Variants in P2RY14 observed in about 807,000 individuals in gnomAD.
P2RY14 encodes purinergic receptor P2Y14.
In P2RY14, 2 loss-of-function variants were observed where a neutral mutation model predicts 0.9. The ratio of observed to expected loss-of-function variants is 2.16; its 90% CI spans 0.88 to 6.79. The LOEUF (loss-of-function observed/expected upper bound fraction) is 6.79. P2RY14 is among the 30% of genes most tolerant of loss of function. The pLI, the probability that P2RY14 is intolerant of heterozygous loss-of-function variation, is 0.05. For synonymous variants in P2RY14, 158 were observed against 147.2 expected, an observed-to-expected ratio of 1.07 and a Z score of -0.53; for missense variants, 378 against 400.1, an observed-to-expected ratio of 0.94 and a Z score of 0.47.
intron 1 of P2RY14, among the ~76,000 whole-genome samples, chr3:151,244,492 CT>C (rs1230953833): frequency 6.8e-6 from 1 of 147,682 alleles, no homozygotes; most frequent in African/African-American, 2.5e-5. Context: ...TACATGGAAA[CT>C]GAACAACCTG....
At chr3:151,251,334 A>G (rs1210536730) in intron 1 of P2RY14, among the ~76,000 whole-genome samples, 2 of 151,910 alleles carry the variant, frequency 1.3e-5, no homozygotes, top group Non-Finnish European at 2.9e-5. Flanking sequence ...CAACAATTAA[A>G]CACTCTGTCT....
intron 1 of P2RY14, among the ~76,000 whole-genome samples, chr3:151,273,509 G>A (rs1467985517): frequency 6.6e-6 from 1 of 150,986 alleles, no homozygotes; most frequent in African/African-American, 2.4e-5. Flanking sequence ...CCAAAGTGTT[G>A]GGATTACAGG....
At chr3:151,250,452 A>G (rs532748776) in intron 1 of P2RY14, among the ~76,000 whole-genome samples, 3 of 152,152 alleles carry the variant, frequency 2.0e-5, no homozygotes, top group Non-Finnish European at 2.9e-5. Flanking sequence ...CCTTGCCCCT[A>G]GTCCCTGGTA....
chr3:151,225,496 C>A (rs2149291804), intron 1 of P2RY14, among the ~76,000 whole-genome samples: 1 of 152,310 alleles, frequency 6.6e-6, no homozygotes, highest in African/African-American at 2.4e-5. Flanking sequence ...CATTAATTTG[C>A]TCACGAGGCC....
At chr3:151,216,932 T>C (rs1416454594) in intron 2 of P2RY14, among the ~76,000 whole-genome samples, 4 of 152,174 alleles carry the variant, frequency 2.6e-5, no homozygotes, top group African/African-American at 9.6e-5. Flanking sequence ...GAATGCATGC[T>C]GCTGTATTCC....
At chr3:151,264,164 G>A (rs1338978477) in intron 1 of P2RY14, among the ~76,000 whole-genome samples, 1 of 152,154 alleles carries the variant, frequency 6.6e-6, no homozygotes, top group African/African-American at 2.4e-5. Context: ...AAAGATCTCT[G>A]TACTTGTATT....
chr3:151,245,352 T>C (rs1735180312), intron 1 of P2RY14, among the ~76,000 whole-genome samples: 1 of 151,700 alleles, frequency 6.6e-6, no homozygotes, highest in Non-Finnish European at 1.5e-5. Context: ...TTGATGAACA[T>C]TGATGCAAAA....
At chr3:151,278,246 A>G (rs1184230093) in intron 1 of P2RY14, 41 bp downstream of exon 1, 1 of 152,192 alleles carries the variant, frequency 6.6e-6, no homozygotes, top group East Asian at 1.9e-4. Context: ...TGCACCATTC[A>G]CATACATGCA....
intron 1 of P2RY14, among the ~76,000 whole-genome samples, chr3:151,253,980 TTTG>T (rs1186412649): frequency 2.0e-5 from 3 of 147,254 alleles, no homozygotes; most frequent in Non-Finnish European, 3.0e-5. Context: ...ATACCTTCTT[TTTG>T]TTTTGATTTT....
chr3:151,257,190 A>G (rs1408754770), intron 1 of P2RY14, among the ~76,000 whole-genome samples: 1 of 152,184 alleles, frequency 6.6e-6, no homozygotes, highest in Non-Finnish European at 1.5e-5. Flanking sequence ...AAGCATATTT[A>G]TGTAGTTTCT....
At chr3:151,258,096 C>T (rs780620776) in intron 1 of P2RY14, among the ~76,000 whole-genome samples, 1 of 152,168 alleles carries the variant, frequency 6.6e-6, no homozygotes, top group Non-Finnish European at 1.5e-5. Flanking sequence ...CTGTGGGTCC[C>T]TGAGTTGCTC....
intron 1 of P2RY14, among the ~76,000 whole-genome samples, chr3:151,229,473 A>ATTTTTT (rs59434401): frequency 2.2e-5 from 2 of 90,124 alleles, no homozygotes; most frequent in Admixed American, 1.4e-4. Context: ...TGCCCGGCTA[A>ATTTTTT]TTTTTTTTTT....
In P2RY14 at chr3:151,226,589, C is replaced by T. The variant is rs16863261; in HGVS notation, c.-132-6947G>A. ...AGGCCCTTCAACATTTTGCTGGAGTCGCATCTTGAGAAGTCAGCCAGTGTT... is the reference window on the plus strand; with the variant it reads ...AGGCCCTTCAACATTTTGCTGGAGTTGCATCTTGAGAAGTCAGCCAGTGTT... On this transcript the variant is annotated intron_variant, in intron 1 of 2. Coordinates refer to ENST00000309170, the MANE Select transcript of P2RY14 (RefSeq NM_014879.4). 5.7e-3 allele frequency among the ~76,000 whole-genome samples: 866 copies of T among 151,648 alleles called. 9 individuals carry two copies. The highest frequency in any genetic ancestry group is 0.02 in the African/African-American group (827 of 41,360).
At chr3:151,237,468 G>A (rs537265061) in intron 1 of P2RY14, among the ~76,000 whole-genome samples, 2 of 144,284 alleles carry the variant, frequency 1.4e-5, no homozygotes, top group Non-Finnish European at 3.0e-5. Context: ...TCCTGCCTCC[G>A]CCTCCCAAGT....
At chr3:151,257,678 T>C (rs757830398) in intron 1 of P2RY14, among the ~76,000 whole-genome samples, 22 of 152,252 alleles carry the variant, frequency 1.4e-4, no homozygotes, top group Non-Finnish European at 2.2e-4. Context: ...GTGTGGGCTT[T>C]CATACCATCT....
chr3:151,242,168 A>T (rs2149386832), intron 1 of P2RY14, among the ~76,000 whole-genome samples: 1 of 152,314 alleles, frequency 6.6e-6, no homozygotes, highest in Non-Finnish European at 1.5e-5. Flanking sequence ...GTCTGAGATC[A>T]AACTGCAAGG....
In P2RY14 at chr3:151,259,000, C is replaced by T. The variant is rs111828530; in HGVS notation, c.-133+19287G>A. Among the ~76,000 whole-genome samples, 1,033 of 152,246 alleles carry T rather than the reference C, an allele frequency of 6.8e-3. 8 individuals are homozygous for T. The highest frequency in any genetic ancestry group is 0.014 in the South Asian group (69 of 4,826). On this transcript the variant is annotated intron_variant, in intron 1 of 2. Transcript: ENST00000309170. ...GAAATGGTGCTGATAAGTGGTGCTGCACACACATATGTAATATGTATGTAT... is the reference window on the plus strand; with the variant it reads ...GAAATGGTGCTGATAAGTGGTGCTGTACACACATATGTAATATGTATGTAT...
chr3:151,258,960 G>A (rs1032068905), intron 1 of P2RY14, among the ~76,000 whole-genome samples: 2 of 151,932 alleles, frequency 1.3e-5, no homozygotes, highest in African/African-American at 2.4e-5. Flanking sequence ...TGCAGGCTTC[G>A]CCTTTGCCAC....
intron 1 of P2RY14, among the ~76,000 whole-genome samples, chr3:151,239,012 C>A (rs1298619800): frequency 2.0e-5 from 3 of 152,290 alleles, no homozygotes; most frequent in Non-Finnish European, 4.4e-5. Context: ...AAAATTCAAG[C>A]TTTCAAACTG....
Sources: allele counts gnomAD v4.1 joint callset (sites outside exome capture counted in the v4.1 genomes callset), GRCh38; gene constraint gnomAD v4.1.1; transcripts MANE v1.5; gene names NCBI Gene and HGNC (gene_info 2026-07-23, HGNC 2026-07-21).